Variants in CNTN3 observed in about 807,000 individuals in gnomAD.
The protein encoded by CNTN3 is contactin-3.
In CNTN3, 60 loss-of-function variants were observed where a neutral mutation model predicts 119.1. That is an observed-to-expected ratio of 0.50 (90% CI 0.41 to 0.62). CNTN3 has a LOEUF of 0.62. Ranked by LOEUF, CNTN3 falls within the 20% of genes least tolerant of loss-of-function variation. The pLI is 0.00. For missense variants in CNTN3, 1,101 were observed against 1,242.4 expected (o/e 0.89, Z 1.71); for synonymous variants, 450 against 438.7 (o/e 1.03, Z -0.32).
At chr3:74,367,327 T>C (rs190479643) in intron 8 of CNTN3, among the ~76,000 whole-genome samples, 37 of 152,224 alleles carry the variant, frequency 2.4e-4, no homozygotes, top group Non-Finnish European at 4.4e-5. Context: ...GCAGACACTG[T>C]TGGTTTTCTA....
chr3:74,537,253 G>A (rs1180153101), intron 1 of CNTN3, among the ~76,000 whole-genome samples: 1 of 152,034 alleles, frequency 6.6e-6, no homozygotes, highest in Admixed American at 6.6e-5. Context: ...CTATCATGGT[G>A]CCCAGGCCAT....
intron 22 of CNTN3, 59 bp from the exon 23 acceptor site, chr3:74,264,560 C>A: frequency 8.8e-7 from 1 of 1,133,836 alleles, no homozygotes. Context: ...AATCAGGGTG[C>A]TAGAGACTGG....
chr3:74,405,041 T>C (rs146839416), intron 5 of CNTN3, among the ~76,000 whole-genome samples: 139 of 152,192 alleles, frequency 9.1e-4, no homozygotes, highest in African/African-American at 3.1e-3. Context: ...AACTACTCTA[T>C]TAAACATTTT....
At chr3:74,492,588 T>C (rs1334932864) in intron 3 of CNTN3, among the ~76,000 whole-genome samples, 1 of 152,186 alleles carries the variant, frequency 6.6e-6, no homozygotes, top group Non-Finnish European at 1.5e-5. Flanking sequence ...ATAGAAAGCA[T>C]AATATACCTG....
intron 7 of CNTN3, 134 bp downstream of exon 7, chr3:74,369,755 C>T: frequency 1.7e-6 from 1 of 579,838 alleles, no homozygotes. Context: ...ATTTCCCCTG[C>T]ATTTTGTTTT....
At chr3:74,572,446 G>T (rs551210452) in intron 1 of CNTN3, among the ~76,000 whole-genome samples, 15 of 152,068 alleles carry the variant, frequency 9.9e-5, no homozygotes, top group South Asian at 4.1e-4. Flanking sequence ...ACTCCACCAA[G>T]AAATACTATG....
chr3:74,469,693 C>A (rs1451181763), intron 4 of CNTN3, among the ~76,000 whole-genome samples: 1 of 152,068 alleles, frequency 6.6e-6, no homozygotes, highest in African/African-American at 2.4e-5. Flanking sequence ...AAAAGACAAA[C>A]AATAACAAAT....
chr3:74,466,509 T>A (rs907339123), intron 4 of CNTN3, among the ~76,000 whole-genome samples: 1 of 152,146 alleles, frequency 6.6e-6, no homozygotes, highest in African/African-American at 2.4e-5. Flanking sequence ...GTTTTGGTGT[T>A]AGAAAAAAAC....
chr3:74,303,087 T>C (rs1347007569), intron 13 of CNTN3, among the ~76,000 whole-genome samples: 2 of 152,332 alleles, frequency 1.3e-5, no homozygotes, highest in East Asian at 3.9e-4. Context: ...GAGATTACAG[T>C]CTCAGAGTCT....
At chr3:74,329,482 C>G (rs184721514) in intron 13 of CNTN3, among the ~76,000 whole-genome samples, 1 of 152,304 alleles carries the variant, frequency 6.6e-6, no homozygotes, top group East Asian at 1.9e-4. Context: ...AACATCCTTA[C>G]AATACAGGGT....
intron 1 of CNTN3, among the ~76,000 whole-genome samples, chr3:74,588,575 T>A (rs1217315906): frequency 6.6e-6 from 1 of 152,034 alleles, no homozygotes; most frequent in African/African-American, 2.4e-5. Flanking sequence ...AAGCTACCAA[T>A]GACTTTCTTC....
Position 74,324,007 on chromosome 3 carries a change from G to T in CNTN3, c.1668+10728C>A, listed in dbSNP as rs189561341. Reference sequence around the variant, plus strand: ...TACTGACTCTCTTAGAACTTTCAGAGATTTAAAAAAAACCATATATTACTG... The same window carrying T: ...TACTGACTCTCTTAGAACTTTCAGATATTTAAAAAAAACCATATATTACTG... On this transcript the variant is annotated intron_variant, in intron 13 of 22. Coordinates refer to ENST00000263665, the MANE Select transcript of CNTN3 (RefSeq NM_020872.3). Among the ~76,000 whole-genome samples the T allele has an allele frequency of 7.3e-4, 111 of 151,798 alleles. 1 individual carries two copies. The highest frequency in any genetic ancestry group is 2.6e-3 in the African/African-American group (107 of 41,412).
intron 1 of CNTN3, among the ~76,000 whole-genome samples, chr3:74,573,426 C>G (rs567134950): frequency 6.6e-6 from 1 of 152,096 alleles, no homozygotes; most frequent in East Asian, 1.9e-4. Context: ...AGATATGATA[C>G]CCATATGAGC....
chr3:74,339,173 A>G (rs1703469990), intron 11 of CNTN3, among the ~76,000 whole-genome samples: 1 of 152,068 alleles, frequency 6.6e-6, no homozygotes. Flanking sequence ...TAGACATGTC[A>G]ATCTGATCAC....
At chr3:74,560,478 A>T (rs1704136625) in intron 1 of CNTN3, among the ~76,000 whole-genome samples, 1 of 152,222 alleles carries the variant, frequency 6.6e-6, no homozygotes, top group Admixed American at 6.6e-5. Context: ...ACATATATAC[A>T]AACATATGAA....
intron 11 of CNTN3, among the ~76,000 whole-genome samples, chr3:74,340,157 T>C (rs1703500293): frequency 6.6e-6 from 1 of 152,126 alleles, no homozygotes; most frequent in Non-Finnish European, 1.5e-5. Context: ...AGGATATGCA[T>C]AGGTTGTATG....
chr3:74,401,145 T>C (rs74977296), intron 5 of CNTN3, among the ~76,000 whole-genome samples: 3 of 150,938 alleles, frequency 2.0e-5, no homozygotes, highest in African/African-American at 4.8e-5. Context: ...TACTATGAAA[T>C]AAACTCAGTT....
At chr3:74,333,475 G>T (rs1703316463) in intron 13 of CNTN3, among the ~76,000 whole-genome samples, 2 of 152,090 alleles carry the variant, frequency 1.3e-5, no homozygotes, top group Non-Finnish European at 2.9e-5. Context: ...CTCTGTTCTG[G>T]GCCTTCATCC....
chr3:74,499,547 C>T (rs1040021692), intron 3 of CNTN3, 112 bp downstream of exon 3: 26 of 902,456 alleles, frequency 2.9e-5, no homozygotes, highest in South Asian at 5.6e-5. Context: ...TATAGCTTCA[C>T]GTATTTTTTT....
Sources: gnomAD v4.1 joint callset for allele counts (sites outside exome capture counted in the v4.1 genomes callset) on GRCh38, gnomAD v4.1.1 for gene constraint, MANE v1.5 for transcripts, NCBI Gene and HGNC (gene_info 2026-07-23, HGNC 2026-07-21) for gene names.